The following NMNAT2 variants were observed in gnomAD, a reference collection of about 807,000 sequenced individuals.
NMNAT2 encodes the protein nicotinamide/nicotinic acid mononucleotide adenylyltransferase 2.
Under a neutral mutation model 41.6 loss-of-function variants are expected in NMNAT2, and 11 were observed. The ratio of observed to expected loss-of-function variants is 0.26; its 90% CI spans 0.17 to 0.44. NMNAT2 has a LOEUF of 0.44. NMNAT2 is among the 20% of genes least tolerant of loss of function. The pLI, the probability that NMNAT2 is intolerant of heterozygous loss-of-function variation, is 1.00. For missense variants in NMNAT2, 288 were observed against 407.7 expected, an observed-to-expected ratio of 0.71 and a Z score of 2.53; for synonymous variants, 148 against 151.2, an observed-to-expected ratio of 0.98 and a Z score of 0.16.
At chr1:183,275,686 T>C (rs1661104649) in intron 8 of NMNAT2, among the ~76,000 whole-genome samples, 1 of 151,646 alleles carries the variant, frequency 6.6e-6, no homozygotes, top group Non-Finnish European at 1.5e-5. Flanking sequence ...ATTTATTTTA[T>C]TTTTTAGACA....
intron 1 of NMNAT2, among the ~76,000 whole-genome samples, chr1:183,363,579 TAC>T (rs146304060): frequency 0.015 from 2,156 of 147,438 alleles, 53 homozygotes; most frequent in South Asian, 0.1. Context: ...CACACACACA[TAC>T]ACACACACAC....
intron 1 of NMNAT2, among the ~76,000 whole-genome samples, chr1:183,395,526 G>A (rs542442508): frequency 6.6e-6 from 1 of 152,122 alleles, no homozygotes; most frequent in South Asian, 2.1e-4. Flanking sequence ...TGGAAATGGT[G>A]GGTGATGTAC....
At chr1:183,322,016 G>C (rs1401262736) in intron 1 of NMNAT2, among the ~76,000 whole-genome samples, 2 of 151,826 alleles carry the variant, frequency 1.3e-5, no homozygotes, top group Non-Finnish European at 2.9e-5. Context: ...GTAGAGACAG[G>C]GTCTCACTTT....
chr1:183,317,917 C>A (rs1335195346), intron 1 of NMNAT2, among the ~76,000 whole-genome samples: 1 of 152,194 alleles, frequency 6.6e-6, no homozygotes, highest in Non-Finnish European at 1.5e-5. Flanking sequence ...GGATTCTATG[C>A]TGAGCACTAG....
chr1:183,333,334 C>T (rs1049367967), intron 1 of NMNAT2, among the ~76,000 whole-genome samples: 3 of 152,166 alleles, frequency 2.0e-5, no homozygotes, highest in African/African-American at 7.2e-5. Context: ...TATCCACATC[C>T]TAATCCCCAG....
At chr1:183,286,913 G>T in intron 4 of NMNAT2, 125 bp from the exon 5 acceptor site, 1 of 1,014,074 alleles carries the variant, frequency 9.9e-7, no homozygotes, top group Non-Finnish European at 1.4e-6. Flanking sequence ...GAGCCCTGGG[G>T]ATGGGTTCTA....
chr1:183,277,512 C>CAA (rs759856572), intron 8 of NMNAT2, among the ~76,000 whole-genome samples: 988 of 46,834 alleles, frequency 0.021, 32 homozygotes, highest in African/African-American at 0.053. Flanking sequence ...GACTCCGTCT[C>CAA]AAAAAAAAAA....
intron 1 of NMNAT2, among the ~76,000 whole-genome samples, chr1:183,357,569 A>G (rs544262903): frequency 6.6e-6 from 1 of 152,144 alleles, no homozygotes; most frequent in East Asian, 1.9e-4. Context: ...TCTTTGAGGA[A>G]TCGCCCCACA....
chr1:183,295,654 G>A (rs1661670266), intron 1 of NMNAT2, among the ~76,000 whole-genome samples: 1 of 152,066 alleles, frequency 6.6e-6, no homozygotes, highest in African/African-American at 2.4e-5. Flanking sequence ...AAAATTCAGT[G>A]TTCCACCCAT....
chr1:183,364,265 C>G (rs1227681629), intron 1 of NMNAT2, among the ~76,000 whole-genome samples: 1 of 152,202 alleles, frequency 6.6e-6, no homozygotes, highest in Non-Finnish European at 1.5e-5. Flanking sequence ...GGTGTGTAAA[C>G]AGATATTTAC....
At chr1:183,324,986 T>G (rs1271387663) in intron 1 of NMNAT2, among the ~76,000 whole-genome samples, 3 of 152,140 alleles carry the variant, frequency 2.0e-5, no homozygotes, top group African/African-American at 7.2e-5. Flanking sequence ...TAACACAGGG[T>G]GGATGTGGGT....
At chr1:183,371,705 G>A (rs913308530) in intron 1 of NMNAT2, among the ~76,000 whole-genome samples, 3 of 152,194 alleles carry the variant, frequency 2.0e-5, no homozygotes, top group African/African-American at 7.2e-5. Flanking sequence ...TCTGCTGCTG[G>A]CTGGAAGGCA....
chr1:183,314,048 T>C (rs1225565102), intron 1 of NMNAT2, among the ~76,000 whole-genome samples: 2 of 152,136 alleles, frequency 1.3e-5, no homozygotes, highest in East Asian at 3.9e-4. Flanking sequence ...AGCAATTCCA[T>C]ATGAACAACA....
At chr1:183,321,850 G>A (rs970830461) in intron 1 of NMNAT2, among the ~76,000 whole-genome samples, 1 of 151,978 alleles carries the variant, frequency 6.6e-6, no homozygotes, top group Non-Finnish European at 1.5e-5. Flanking sequence ...ACAGGGTCTC[G>A]ATTTGTCACC....
intron 1 of NMNAT2, among the ~76,000 whole-genome samples, chr1:183,351,741 A>C (rs531300659): frequency 6.6e-6 from 1 of 152,290 alleles, no homozygotes; most frequent in East Asian, 1.9e-4. Flanking sequence ...CTTGTTCTAA[A>C]GTGTTGGACT....
chr1:183,269,486 G>A (rs913053088), intron 8 of NMNAT2, among the ~76,000 whole-genome samples: 1 of 152,216 alleles, frequency 6.6e-6, no homozygotes, highest in Admixed American at 6.5e-5. Context: ...TCTGAAGCCT[G>A]AGTTTCCCTC....
At position 183,290,104 on chromosome 1, in the gene NMNAT2, A is replaced by G. The variant is rs199500612; in HGVS notation, c.321+24T>C. 44 of 1,553,394 alleles carry G rather than the reference A, an allele frequency of 2.8e-5. No homozygotes were observed. The African/African-American group carries it at 5.7e-4, about 20-fold the overall frequency. ...GCCCTTGCACTCTGGTGGTTCACGC[A>G]TCCCCAGGCTTGGCCCAGCTCACCT... On this transcript the variant is annotated intron_variant, in intron 4 of 10. Transcript: ENST00000287713.
At chr1:183,360,359 T>C (rs1401474798) in intron 1 of NMNAT2, among the ~76,000 whole-genome samples, 1 of 152,118 alleles carries the variant, frequency 6.6e-6, no homozygotes, top group Non-Finnish European at 1.5e-5. Flanking sequence ...GAGGGTAAGA[T>C]GCTCGAGACA....
intron 1 of NMNAT2, among the ~76,000 whole-genome samples, chr1:183,311,756 CACA>C (rs1179355911): frequency 6.7e-6 from 1 of 150,324 alleles, no homozygotes; most frequent in African/African-American, 2.4e-5. Flanking sequence ...CACACACACA[CACA>C]CACACACGCC....
Sources: gnomAD v4.1 joint callset for allele counts (sites outside exome capture counted in the v4.1 genomes callset) on GRCh38, gnomAD v4.1.1 for gene constraint, MANE v1.5 for transcripts, NCBI Gene and HGNC (gene_info 2026-07-23, HGNC 2026-07-21) for gene names.